CYB5R4: variants seen among roughly 807,000 people sequenced by gnomAD.
The protein encoded by CYB5R4 is N-terminal cytochrome b5 and cytochrome b5 oxidoreductase domain-containing protein.
Under a neutral mutation model 70.2 loss-of-function variants are expected in CYB5R4, and 55 were observed. That is an observed-to-expected ratio of 0.78 (90% CI 0.63 to 0.98). The LOEUF is 0.98. CYB5R4 is among the 50% of genes least tolerant of loss of function. CYB5R4 has a pLI of 0.00. For missense variants in CYB5R4, 562 were observed against 612.6 expected (o/e 0.92, Z 0.87); for synonymous variants, 197 against 199.5 (o/e 0.99, Z 0.11).
At chr6:83,901,474 T>G (rs998261995) in intron 3 of CYB5R4, among the ~76,000 whole-genome samples, 1 of 152,202 alleles carries the variant, frequency 6.6e-6, no homozygotes, top group African/African-American at 2.4e-5. Context: ...CTTAGTGGAC[T>G]TCTGTGTATT....
chr6:83,952,993 G>A (rs1381754976), intron 14 of CYB5R4, among the ~76,000 whole-genome samples: 1 of 152,092 alleles, frequency 6.6e-6, no homozygotes, highest in African/African-American at 2.4e-5. Context: ...AGCCTCTTAT[G>A]CTGACAGATA....
intron 2 of CYB5R4, among the ~76,000 whole-genome samples, chr6:83,890,936 C>G (rs551398489): frequency 2.8e-4 from 43 of 151,974 alleles, no homozygotes; most frequent in Non-Finnish European, 5.3e-4. Flanking sequence ...AACAATATAG[C>G]GTAAACATAA....
chr6:83,924,118 C>T (rs1402728128), intron 9 of CYB5R4, among the ~76,000 whole-genome samples: 2 of 141,360 alleles, frequency 1.4e-5, no homozygotes, highest in Non-Finnish European at 3.1e-5. Context: ...TGGGGGCATT[C>T]GATGCTAATT....
chr6:83,925,059 G>A (rs1263723051), intron 10 of CYB5R4, among the ~76,000 whole-genome samples: 2 of 152,086 alleles, frequency 1.3e-5, no homozygotes, highest in Non-Finnish European at 2.9e-5. Context: ...GCCTGAGACT[G>A]GATAATTTAT....
chr6:83,948,027 C>A (rs940140156), intron 14 of CYB5R4, among the ~76,000 whole-genome samples: 2 of 152,150 alleles, frequency 1.3e-5, no homozygotes, highest in South Asian at 4.1e-4. Flanking sequence ...TGGGTATATA[C>A]CCAAAGCATG....
chr6:83,886,687 T>C (rs1439575569), intron 2 of CYB5R4, among the ~76,000 whole-genome samples: 2 of 152,218 alleles, frequency 1.3e-5, no homozygotes, highest in East Asian at 1.9e-4. Flanking sequence ...ATATCTGTTA[T>C]GTGGTTAGTG....
chr6:83,883,550 T>C (rs35169569), intron 2 of CYB5R4, among the ~76,000 whole-genome samples: 16,610 of 152,076 alleles, frequency 0.11, 1,234 homozygotes, highest in Middle Eastern at 0.2. Context: ...TCTATACCCG[T>C]AGGGAGACAG....
chr6:83,920,953 T>G, intron 7 of CYB5R4, 129 bp from the exon 8 acceptor site: 2 of 617,530 alleles, frequency 3.2e-6, no homozygotes, highest in Non-Finnish European at 2.5e-6. Context: ...AGAAGTCACA[T>G]TTGTTTAGCT....
At chr6:83,906,214 C>T (rs140976190) in intron 3 of CYB5R4, among the ~76,000 whole-genome samples, 10 of 152,318 alleles carry the variant, frequency 6.6e-5, no homozygotes, top group Non-Finnish European at 1.3e-4. Context: ...AGCTGTTCTT[C>T]AGCCCTGGTG....
intron 12 of CYB5R4, 118 bp downstream of exon 12, chr6:83,936,494 A>G (rs2099468948): frequency 2.4e-6 from 2 of 837,024 alleles, no homozygotes; most frequent in Admixed American, 6.2e-5. Flanking sequence ...TCTACAACCA[A>G]AGTTATCTTC....
At chr6:83,934,025 A>G (rs1300891079) in intron 10 of CYB5R4, among the ~76,000 whole-genome samples, 1 of 152,186 alleles carries the variant, frequency 6.6e-6, no homozygotes, top group African/African-American at 2.4e-5. Context: ...TGTCAAAGAG[A>G]TATTCTAAAA....
chr6:83,867,862 C>T (rs1013957637), intron 2 of CYB5R4, among the ~76,000 whole-genome samples: 3 of 152,216 alleles, frequency 2.0e-5, no homozygotes, highest in East Asian at 1.9e-4. Context: ...GCCCTGCTTA[C>T]GCTGTACATA....
intron 3 of CYB5R4, among the ~76,000 whole-genome samples, chr6:83,894,716 C>G (rs569660826): frequency 6.6e-6 from 1 of 152,208 alleles, no homozygotes; most frequent in South Asian, 2.1e-4. Flanking sequence ...ATACTATATT[C>G]TTACAATAAA....
intron 1 of CYB5R4, among the ~76,000 whole-genome samples, chr6:83,863,173 A>T (rs555193128): frequency 6.6e-6 from 1 of 152,200 alleles, no homozygotes; most frequent in Non-Finnish European, 1.5e-5. Flanking sequence ...ATAAAAACCC[A>T]AACCATCCTG....
At chr6:83,901,405 T>C (rs1473792235) in intron 3 of CYB5R4, among the ~76,000 whole-genome samples, 2 of 152,220 alleles carry the variant, frequency 1.3e-5, no homozygotes, top group Non-Finnish European at 2.9e-5. Flanking sequence ...TTTTCCTTCA[T>C]TTCAACTTTG....
At chr6:83,879,673 T>G (rs183825687) in intron 2 of CYB5R4, among the ~76,000 whole-genome samples, 6 of 152,294 alleles carry the variant, frequency 3.9e-5, no homozygotes, top group Admixed American at 3.9e-4. Context: ...CTGCAGATAT[T>G]ACACAGCTGT....
intron 1 of CYB5R4, among the ~76,000 whole-genome samples, chr6:83,860,348 G>A (rs905652374): frequency 1.3e-5 from 2 of 152,008 alleles, no homozygotes; most frequent in Admixed American, 6.6e-5. Flanking sequence ...TGGGGAGCTA[G>A]GTCAGGTTTA....
At chr6:83,943,203 T>C (rs1036033308) in intron 14 of CYB5R4, among the ~76,000 whole-genome samples, 1 of 152,108 alleles carries the variant, frequency 6.6e-6, no homozygotes, top group Non-Finnish European at 1.5e-5. Flanking sequence ...AGACACCTCA[T>C]ACAGGAGAGC....
At chr6:83,897,515 CA>C (rs1207498848) in intron 3 of CYB5R4, among the ~76,000 whole-genome samples, 1 of 152,082 alleles carries the variant, frequency 6.6e-6, no homozygotes, top group African/African-American at 2.4e-5. Context: ...GTCTCACTAA[CA>C]GTAAAAGTGT....
Sources: allele counts gnomAD v4.1 joint callset (sites outside exome capture counted in the v4.1 genomes callset), GRCh38; gene constraint gnomAD v4.1.1; transcripts MANE v1.5; gene names NCBI Gene and HGNC (gene_info 2026-07-23, HGNC 2026-07-21).